KLRG1: variants seen among roughly 807,000 people sequenced by gnomAD.
KLRG1 encodes the protein killer cell lectin like receptor G1.
In KLRG1, 16 loss-of-function variants were observed where a neutral mutation model predicts 21.8. The observed-to-expected ratio is 0.73, with a 90% CI of 0.50 to 1.11. The LOEUF (loss-of-function observed/expected upper bound fraction) is 1.11, where lower values mean the gene tolerates loss of function less well. Ranked by LOEUF, KLRG1 falls within the 50% of genes most tolerant of loss-of-function variation. KLRG1 has a pLI of 0.00. For missense variants in KLRG1, 173 were observed against 218.3 expected (o/e 0.79, Z 1.31); for synonymous variants, 69 against 75.9 (o/e 0.91, Z 0.47).
At chr12:9,020,439 C>T in the KLRG1 span, among the ~76,000 whole-genome samples, 2 of 152,166 alleles carry the variant, frequency 1.3e-5, no homozygotes, top group African/African-American at 4.8e-5. Context: ...CCCCGGAATT[C>T]CCAATCTACT....
At chr12:8,983,878 G>A (rs1017195560) in intron 1 of KLRG1, among the ~76,000 whole-genome samples, 1 of 152,040 alleles carries the variant, frequency 6.6e-6, no homozygotes, top group African/African-American at 2.4e-5. Flanking sequence ...TATGTTCTTA[G>A]GAGTGATTTT....
chr12:9,005,531 T>TA (rs916570944), intron 3 of KLRG1, among the ~76,000 whole-genome samples: 17 of 151,756 alleles, frequency 1.1e-4, no homozygotes, highest in African/African-American at 3.6e-4. Flanking sequence ...ATGTGAAAAC[T>TA]AAAAAAAATG....
chr12:9,070,145 T>A, the KLRG1 span, among the ~76,000 whole-genome samples: 1 of 152,254 alleles, frequency 6.6e-6, no homozygotes, highest in African/African-American at 2.4e-5. Flanking sequence ...ATTTTTCTTT[T>A]AACTTCTGTA....
chr12:9,168,587 C>T, the KLRG1 span: 1 of 296,632 alleles, frequency 3.4e-6, no homozygotes. Flanking sequence ...ATCAGAATTA[C>T]TCTTTCTTTC....
the KLRG1 span, among the ~76,000 whole-genome samples, chr12:9,020,710 A>C: frequency 1.3e-5 from 2 of 152,236 alleles, no homozygotes; most frequent in African/African-American, 4.8e-5. Context: ...ATTAAAAATA[A>C]AGCTGTTATG....
the KLRG1 span, chr12:9,104,225 C>T: frequency 1.2e-6 from 2 of 1,601,840 alleles, no homozygotes; most frequent in South Asian, 1.1e-5. Context: ...TTGGTAATTT[C>T]TTTCCAAACT....
the KLRG1 span, chr12:9,079,819 G>A: frequency 3.2e-6 from 5 of 1,580,916 alleles, no homozygotes; most frequent in East Asian, 1.1e-4. Flanking sequence ...ATGTCTCCTA[G>A]AGAATGGGAG....
the KLRG1 span, chr12:9,098,561 C>T: frequency 3.5e-5 from 55 of 1,555,540 alleles, no homozygotes; most frequent in East Asian, 1.2e-3. Context: ...TTGCTCTGAG[C>T]CCCTGGCACG....
downstream of KLRG1, among the ~76,000 whole-genome samples, chr12:9,012,305 A>C (rs1947642998): frequency 6.6e-6 from 1 of 152,144 alleles, no homozygotes; most frequent in African/African-American, 2.4e-5. Context: ...ATAGGGCACC[A>C]CCACGCAGAG....
chr12:9,163,687 A>T, the KLRG1 span: 1 of 1,613,842 alleles, frequency 6.2e-7, no homozygotes, highest in Non-Finnish European at 8.5e-7. Flanking sequence ...CAGGGTTTTG[A>T]TGACTGTGTC....
chr12:9,185,886 C>A, the KLRG1 span, among the ~76,000 whole-genome samples: 1 of 150,342 alleles, frequency 6.7e-6, no homozygotes, highest in African/African-American at 2.5e-5. Context: ...CGGCTCACTG[C>A]AACCCCCACC....
At chr12:9,191,845 T>C in the KLRG1 span, among the ~76,000 whole-genome samples, 2 of 152,166 alleles carry the variant, frequency 1.3e-5, no homozygotes, top group Admixed American at 6.5e-5. Context: ...ATAATTACTT[T>C]TTTCTTCTCT....
the KLRG1 span, among the ~76,000 whole-genome samples, chr12:9,017,335 C>T: frequency 6.7e-6 from 1 of 149,208 alleles, no homozygotes; most frequent in South Asian, 2.1e-4. Context: ...ATGTAAATAT[C>T]CCTGATAGAC....
chr12:9,068,096 AT>A, the KLRG1 span: 2 of 1,451,438 alleles, frequency 1.4e-6, no homozygotes, highest in Non-Finnish European at 9.5e-7. Flanking sequence ...TTTGACAAAT[AT>A]TTACCCAGCG....
chr12:9,026,407 A>C, the KLRG1 span, among the ~76,000 whole-genome samples: 1 of 152,248 alleles, frequency 6.6e-6, no homozygotes, highest in Non-Finnish European at 1.5e-5. Flanking sequence ...CTTTCCAAAA[A>C]GACTGAAGCA....
the KLRG1 span, among the ~76,000 whole-genome samples, chr12:9,081,270 ACAG>A: frequency 6.6e-6 from 1 of 152,220 alleles, no homozygotes; most frequent in Non-Finnish European, 1.5e-5. Context: ...AATTAAAACA[ACAG>A]CAAAATTTTT....
At chr12:9,041,536 G>A in the KLRG1 span, among the ~76,000 whole-genome samples, 5 of 152,188 alleles carry the variant, frequency 3.3e-5, no homozygotes, top group African/African-American at 1.2e-4. Context: ...TTGACCAGCA[G>A]AGTGCTGTGG....
At chr12:9,094,339 G>GAATATA in the KLRG1 span, among the ~76,000 whole-genome samples, 1 of 65,258 alleles carries the variant, frequency 1.5e-5, no homozygotes, top group Non-Finnish European at 3.1e-5. Context: ...AAAAAATTGT[G>GAATATA]CATATATATA....
chr12:9,107,477 A>G, the KLRG1 span: 4 of 1,602,630 alleles, frequency 2.5e-6, no homozygotes, highest in Non-Finnish European at 3.4e-6. Context: ...CTGCTTTTCA[A>G]CAATGCCTTT....
Sources: allele counts gnomAD v4.1 joint callset (sites outside exome capture counted in the v4.1 genomes callset), GRCh38; gene constraint gnomAD v4.1.1; transcripts MANE v1.5; gene names NCBI Gene and HGNC (gene_info 2026-07-23, HGNC 2026-07-21).